Variants in KLHL29 observed in about 807,000 individuals in gnomAD.
The protein encoded by KLHL29 is kelch like family member 29.
KLHL29 carries 21 observed loss-of-function variants against 80.4 expected under a neutral mutation model. The observed-to-expected ratio is 0.26, with a 90% CI of 0.19 to 0.38. The LOEUF (loss-of-function observed/expected upper bound fraction) is 0.38, where lower values mean the gene tolerates loss of function less well. Among genes scored for constraint, KLHL29 ranks in the 10% least tolerant of loss-of-function variants. KLHL29 has a pLI of 1.00. For missense variants in KLHL29, 867 were observed against 1,223.9 expected (o/e 0.71, Z 4.35); for synonymous variants, 511 against 526.8 (o/e 0.97, Z 0.41).
intron 3 of KLHL29, among the ~76,000 whole-genome samples, chr2:23,638,750 C>G (rs993302006): frequency 6.6e-6 from 1 of 152,164 alleles, no homozygotes; most frequent in African/African-American, 2.4e-5. Flanking sequence ...TCAGCACATG[C>G]CCGATAAGTT....
chr2:23,558,645 C>T (rs1449667843), intron 2 of KLHL29, among the ~76,000 whole-genome samples: 1 of 152,182 alleles, frequency 6.6e-6, no homozygotes, highest in Non-Finnish European at 1.5e-5. Flanking sequence ...CTCAAGTGAT[C>T]CTCCCACCTT....
intron 2 of KLHL29, among the ~76,000 whole-genome samples, chr2:23,558,284 A>G (rs1667349577): frequency 6.6e-6 from 1 of 152,228 alleles, no homozygotes; most frequent in South Asian, 2.1e-4. Context: ...CCTTGTTGGC[A>G]GGTGAACCTT....
chr2:23,508,123 T>G (rs980934004), intron 2 of KLHL29, among the ~76,000 whole-genome samples: 1 of 152,214 alleles, frequency 6.6e-6, no homozygotes, highest in Non-Finnish European at 1.5e-5. Flanking sequence ...AGGAAGGAAG[T>G]GGCCAGTGGC....
At chr2:23,459,118 C>T (rs1664141123) in intron 1 of KLHL29, among the ~76,000 whole-genome samples, 1 of 152,074 alleles carries the variant, frequency 6.6e-6, no homozygotes, top group Non-Finnish European at 1.5e-5. Flanking sequence ...AGGATGGCTC[C>T]TAGGTATCAG....
chr2:23,704,342 C>T (rs2149229277), intron 13 of KLHL29, among the ~76,000 whole-genome samples: 1 of 152,326 alleles, frequency 6.6e-6, no homozygotes, highest in South Asian at 2.1e-4. Flanking sequence ...ACAAACCCAC[C>T]CCTGCAGGCA....
At chr2:23,452,402 C>G (rs2103422382) in intron 1 of KLHL29, among the ~76,000 whole-genome samples, 1 of 152,132 alleles carries the variant, frequency 6.6e-6, no homozygotes, top group East Asian at 1.9e-4. Flanking sequence ...ACAAGGGATC[C>G]TCCAGGGTCC....
chr2:23,696,287 C>A lies in KLHL29; in HGVS notation c.1925-46C>A. ...GGGGCTGGGCCTGCTGACCCCAGGC[C>A]CCTCCTCACCCCGCCCGCTCTCTCT... On this transcript the variant is annotated intron_variant, in intron 10 of 13. Transcript: ENST00000486442. The surrounding 1 kb of genome is among the most constrained non-coding windows in gnomAD (Gnocchi z 5.5). 6.5e-7 allele frequency: 1 copy of A among 1,536,818 alleles called. No homozygotes were observed. The highest frequency in any genetic ancestry group is 2.5e-5 in the East Asian group (1 of 40,778).
At chr2:23,430,526 C>G (rs1055946325) in intron 1 of KLHL29, among the ~76,000 whole-genome samples, 3 of 152,224 alleles carry the variant, frequency 2.0e-5, no homozygotes, top group African/African-American at 4.8e-5. Flanking sequence ...TTAAATCCCT[C>G]CCTGAGAAGG....
chr2:23,523,775 C>T (rs574514781), intron 2 of KLHL29, among the ~76,000 whole-genome samples: 10 of 152,280 alleles, frequency 6.6e-5, no homozygotes, highest in African/African-American at 1.9e-4. Flanking sequence ...AATAAGCCGA[C>T]GAGGGAGCAA....
At chr2:23,630,623 T>C (rs1669444364) in intron 3 of KLHL29, among the ~76,000 whole-genome samples, 1 of 152,158 alleles carries the variant, frequency 6.6e-6, no homozygotes. Flanking sequence ...TAGCTAGGAC[T>C]ACAGGCACAC....
chr2:23,567,464 G>A (rs1333717728), intron 3 of KLHL29, among the ~76,000 whole-genome samples: 1 of 152,174 alleles, frequency 6.6e-6, no homozygotes, highest in Non-Finnish European at 1.5e-5. Context: ...AGGCTTCATC[G>A]TCAACACTCA....
At chr2:23,649,307 A>G (rs568526391) in intron 5 of KLHL29, among the ~76,000 whole-genome samples, 1 of 152,204 alleles carries the variant, frequency 6.6e-6, no homozygotes, top group Non-Finnish European at 1.5e-5. Flanking sequence ...CTCCATCTGC[A>G]CAAGGTTCTT....
At chr2:23,551,877 A>C (rs1300827572) in intron 2 of KLHL29, among the ~76,000 whole-genome samples, 2 of 152,242 alleles carry the variant, frequency 1.3e-5, no homozygotes, top group Non-Finnish European at 2.9e-5. Context: ...TGCTGTGGCT[A>C]CTGGACTATG....
intron 1 of KLHL29, among the ~76,000 whole-genome samples, chr2:23,436,881 C>G (rs1357223710): frequency 6.6e-6 from 1 of 152,218 alleles, no homozygotes; most frequent in African/African-American, 2.4e-5. Flanking sequence ...TGTTTATTCC[C>G]TTGCAGTTGC....
At chr2:23,408,522 T>C (rs1004625387) in intron 1 of KLHL29, among the ~76,000 whole-genome samples, 1 of 152,180 alleles carries the variant, frequency 6.6e-6, no homozygotes, top group Non-Finnish European at 1.5e-5. Flanking sequence ...CTTAGAAACT[T>C]CATTCCTATA....
At chr2:23,579,713 T>C (rs1667933145) in intron 3 of KLHL29, among the ~76,000 whole-genome samples, 1 of 152,174 alleles carries the variant, frequency 6.6e-6, no homozygotes, top group Non-Finnish European at 1.5e-5. Flanking sequence ...TTTTTCTAAA[T>C]GTGCAGTTAC....
intron 1 of KLHL29, among the ~76,000 whole-genome samples, chr2:23,434,832 C>T (rs969231632): frequency 2.6e-5 from 4 of 152,112 alleles, no homozygotes; most frequent in Non-Finnish European, 4.4e-5. Flanking sequence ...GTGAGCTGAT[C>T]ACCCCTGGCC....
In KLHL29 at chr2:23,416,003, C is replaced by T. The variant is rs569291539; in HGVS notation, c.-154+30223C>T. ...TGACACTATTGGGTTGAGGGGTCGA[C>T]ATTGATCAAAACAACTTTCTAGAGG... On this transcript the variant is annotated intron_variant, in intron 1 of 13. Transcript: ENST00000486442. Among the ~76,000 whole-genome samples the T allele has an allele frequency of 1.7e-3, 258 of 152,180 alleles. 1 individual carries two copies. The highest frequency in any genetic ancestry group is 3.1e-3 in the Non-Finnish European group (213 of 68,012).
At chr2:23,388,670 C>T (rs1050539113) in intron 1 of KLHL29, among the ~76,000 whole-genome samples, 2 of 152,162 alleles carry the variant, frequency 1.3e-5, no homozygotes, top group Non-Finnish European at 2.9e-5. Flanking sequence ...TGGCTACAAA[C>T]CATTCCTAGT....
Sources: gnomAD v4.1 joint callset for allele counts (sites outside exome capture counted in the v4.1 genomes callset) on GRCh38, gnomAD v4.1.1 for gene constraint, Gnocchi (gnomAD v3.1) non-coding constraint, MANE v1.5 for transcripts, NCBI Gene and HGNC (gene_info 2026-07-23, HGNC 2026-07-21) for gene names.